Variants in GIMAP8 observed in about 807,000 individuals in gnomAD.
GIMAP8 encodes GTPase, IMAP family member 8.
A neutral mutation model predicts 35.6 loss-of-function variants in GIMAP8; 29 were observed. That is an observed-to-expected ratio of 0.81 (90% CI 0.61 to 1.11). GIMAP8 has a LOEUF of 1.11. Among genes scored for constraint, GIMAP8 ranks in the 50% most tolerant of loss-of-function variants. GIMAP8 has a pLI of 0.00. For missense variants in GIMAP8, 811 were observed against 805.0 expected, an observed-to-expected ratio of 1.01 and a Z score of -0.09; for synonymous variants, 335 against 308.7, an observed-to-expected ratio of 1.09 and a Z score of -0.89.
At chr7:150,453,589 G>A (rs1372086065) in intron 1 of GIMAP8, among the ~76,000 whole-genome samples, 4 of 152,216 alleles carry the variant, frequency 2.6e-5, no homozygotes, top group African/African-American at 4.8e-5. Flanking sequence ...TTTCTTCGGC[G>A]TATCTGCTGC....
At chr7:150,458,307 A>G (rs959432920) in intron 1 of GIMAP8, among the ~76,000 whole-genome samples, 1 of 152,168 alleles carries the variant, frequency 6.6e-6, no homozygotes, top group African/African-American at 2.4e-5. Flanking sequence ...AACCAGGAAG[A>G]GCCAATGTGG....
At chr7:150,465,445 T>A (rs1801933868) in intron 1 of GIMAP8, among the ~76,000 whole-genome samples, 1 of 152,092 alleles carries the variant, frequency 6.6e-6, no homozygotes, top group East Asian at 1.9e-4. Flanking sequence ...AGAGGGGAGT[T>A]TTTTTCCTCG....
chr7:150,468,240 C>T (rs375186515), intron 2 of GIMAP8, among the ~76,000 whole-genome samples: 1 of 152,172 alleles, frequency 6.6e-6, no homozygotes, highest in Non-Finnish European at 1.5e-5. Context: ...TGGGCTGTAT[C>T]CCACAACCCA....
chr7:150,462,932 G>T (rs1007422818), intron 1 of GIMAP8, among the ~76,000 whole-genome samples: 1 of 152,090 alleles, frequency 6.6e-6, no homozygotes, highest in Non-Finnish European at 1.5e-5. Flanking sequence ...TAGATTTTCT[G>T]TGACTTTTCC....
intron 1 of GIMAP8, among the ~76,000 whole-genome samples, chr7:150,458,394 C>A (rs376294792): frequency 1.3e-4 from 20 of 152,278 alleles, no homozygotes; most frequent in South Asian, 4.1e-4. Flanking sequence ...CTAATCAGGT[C>A]TTCAACTGAT....
At chr7:150,452,670 T>A (rs1435079485) in intron 1 of GIMAP8, among the ~76,000 whole-genome samples, 66 of 83,692 alleles carry the variant, frequency 7.9e-4, no homozygotes, top group African/African-American at 3.0e-3. Flanking sequence ...TGTGTGTGTG[T>A]GTGAGATATA....
chr7:150,457,643 T>C (rs1313618371), intron 1 of GIMAP8, among the ~76,000 whole-genome samples: 2 of 152,062 alleles, frequency 1.3e-5, no homozygotes, highest in Non-Finnish European at 2.9e-5. Context: ...TAAATATCCA[T>C]AGGGACAACT....
rs372078848 is a variant in GIMAP8, at chr7:150,466,722, G to A, written c.24G>A (p.Met8Ile). The A allele has an allele frequency of 1.5e-5, 25 of 1,614,060 alleles. No homozygotes were observed. In the Admixed American group the frequency reaches 4.2e-4, roughly 27 times the overall value. ...GCATGTCAGAGCAGAGCTGCCAGAT[G>A]TCCGAACTGCGGCTCCTCCTCCTGG... MSEQSCQ[M>I]SELRLLLLGK... The change falls in exon 2 of 5, where the codon ATG becomes ATA. Residue 8 changes from methionine (M) to isoleucine (I), a missense_variant. Physicochemically the swap from Met to Ile is conservative, Grantham distance 10. Transcript: ENST00000307271.
In GIMAP8 at chr7:150,467,296, T is replaced by G; in HGVS notation, c.598T>G (p.Tyr200Asp). The G allele has an allele frequency of 6.2e-7, 1 of 1,613,594 alleles. No individual in the cohort carries two copies. Among genetic ancestry groups the G allele is most frequent in the Non-Finnish European group, 8.5e-7 (1 of 1,179,516 alleles). ...TTTGGTGAATACGAACGGAGGACCC[T>G]ATCATGTGAACTTCAAAACTGAAGG... Reference protein sequence around the residue: ...ESLVNTNGGPYHVNFKTEGSR... With the variant: ...ESLVNTNGGPDHVNFKTEGSR... Residue 200 changes from tyrosine to aspartate, a missense_variant, in exon 2 of 5, where the codon TAT becomes GAT. Physicochemically the swap from Tyr to Asp is radical, Grantham distance 160 (BLOSUM62 -3). Coordinates refer to ENST00000307271, the MANE Select transcript of GIMAP8 (RefSeq NM_175571.4).
In GIMAP8 at chr7:150,477,832, G is replaced by A; in HGVS notation, c.*52G>A. The A allele has an allele frequency of 6.9e-7, 1 of 1,442,266 alleles. No individual in the cohort carries two copies. Among genetic ancestry groups the A allele is most frequent in the Non-Finnish European group, 9.5e-7 (1 of 1,049,544 alleles). The allele number at this position is 1,442,266 out of a possible 1,614,324, so 89.3% of individuals were successfully genotyped here. ...AATTAGAGACACCCTCAGGTTGGGGGGAGGGGCGGGGCATGGTACAACCTG... is the reference window on the plus strand; with the variant it reads ...AATTAGAGACACCCTCAGGTTGGGGAGAGGGGCGGGGCATGGTACAACCTG... On this transcript the variant is annotated 3_prime_UTR_variant, in exon 5 of 5. Transcript: ENST00000307271.
Position 150,478,621 on chromosome 7 carries a change from C to G in GIMAP8, c.*841C>G, listed in dbSNP as rs984396099. 1 of 152,146 alleles carries G rather than the reference C, an allele frequency of 6.6e-6. No homozygotes were observed. Among genetic ancestry groups the G allele is most frequent in the Non-Finnish European group, 1.5e-5 (1 of 68,018 alleles). 9.4% of individuals were successfully genotyped at this position (152,146 alleles called of 1,614,324 possible). A position where few individuals can be genotyped will look rare whatever the true frequency, so the allele number is the denominator to read the frequency against. The stretch of plus-strand genomic sequence containing the variant: ...CGTTTCTCTTTCTCCTTCTCTTTCC[C>G]TTGAGGTTAGGAAACAGGTTAAAAC... On this transcript the variant is annotated 3_prime_UTR_variant, in exon 5 of 5. Transcript: ENST00000307271.
Position 150,451,613 on chromosome 7 carries a change from C to T in GIMAP8, c.-29+438C>T, listed in dbSNP as rs1039990857. On this transcript the variant is annotated intron_variant, in intron 1 of 4. Transcript: ENST00000307271. The surrounding 1 kb of genome is among the most constrained non-coding windows in gnomAD (Gnocchi z 4.1). ...CTGGCAGAAGGGAGGAAGAAGCAGG[C>T]GGAAGCAGCCGGTCAGATGCCCCAT... is the stretch of plus-strand genomic sequence containing the variant. Among the ~76,000 whole-genome samples the T allele has an allele frequency of 2.6e-5, 4 of 152,110 alleles. No homozygotes were observed. Among genetic ancestry groups the T allele is most frequent in the African/African-American group, 9.7e-5 (4 of 41,408 alleles).
intron 1 of GIMAP8, among the ~76,000 whole-genome samples, chr7:150,458,108 G>T (rs920177046): frequency 6.6e-6 from 1 of 152,170 alleles, no homozygotes; most frequent in Non-Finnish European, 1.5e-5. Flanking sequence ...GTTAGCCAGG[G>T]TTCTCTAGAG....
intron 1 of GIMAP8, among the ~76,000 whole-genome samples, chr7:150,453,310 C>T (rs983299158): frequency 2.6e-5 from 4 of 152,170 alleles, no homozygotes; most frequent in Admixed American, 6.5e-5. Context: ...CCTGGTGGAC[C>T]GGTTCTGAGG....
rs147806007 is a variant in GIMAP8 at position 150,466,745 on chromosome 7, T to C, written c.47T>C (p.Leu16Pro). 2.2e-5 allele frequency: 36 copies of C among 1,614,104 alleles called. No homozygotes were observed. Among genetic ancestry groups the C allele is most frequent in the Middle Eastern group, 1.6e-4 (1 of 6,076 alleles). ...CQMSELRLLL[L>P]GKCRSGKSAT... ...ATGTCCGAACTGCGGCTCCTCCTCC[T>C]GGGAAAATGCCGCTCGGGAAAAAGT... The change falls in exon 2 of 5, where the codon CTG (leucine) becomes CCG (proline). Residue 16 changes from leucine (L) to proline (P), a missense_variant. Transcript: ENST00000307271.
At chr7:150,470,746 C>CTTTTTTTTTT (rs765100972) in intron 2 of GIMAP8, 83 bp from the exon 3 acceptor site, 10 of 468,000 alleles carry the variant, frequency 2.1e-5, no homozygotes, top group African/African-American at 1.1e-4. Context: ...CTTCAATTTC[C>CTTTTTTTTTT]TTTTTTTTTT....
chr7:150,453,583 T>C (rs1801666254), intron 1 of GIMAP8, among the ~76,000 whole-genome samples: 1 of 152,264 alleles, frequency 6.6e-6, no homozygotes, highest in South Asian at 2.1e-4. Flanking sequence ...CTTCACTTTC[T>C]TCGGCGTATC....
rs1002130379 is a variant in GIMAP8 at position 150,472,410 on chromosome 7, T to C, written c.682+1536T>C. Among the ~76,000 whole-genome samples, 83 of 152,290 alleles carry C rather than the reference T, an allele frequency of 5.5e-4. No homozygotes were observed. Among genetic ancestry groups the C allele is most frequent in the African/African-American group, 1.9e-3 (81 of 41,570 alleles). On this transcript the variant is annotated intron_variant, in intron 3 of 4. Coordinates refer to ENST00000307271, the MANE Select transcript of GIMAP8 (RefSeq NM_175571.4). This position sits in a 1 kb window ranked among gnomAD's most constrained non-coding sequence, Gnocchi z 4.1. ...GCCAGTGCAGGGGATGTTCGGGCAA[T>C]GCTGTTGTTTTTGTGTGCTCAGATA... is the stretch of plus-strand genomic sequence containing the variant.
Position 150,477,982 on chromosome 7 carries a change from G to T in GIMAP8, c.*202G>T. 1 of 563,026 alleles carries T rather than the reference G, an allele frequency of 1.8e-6. No individual in the cohort carries two copies. Among genetic ancestry groups the T allele is most frequent in the Non-Finnish European group, 3.1e-6 (1 of 318,714 alleles). 34.9% of individuals were successfully genotyped at this position (563,026 alleles called of 1,614,324 possible). Reference sequence around the variant, plus strand: ...GGGCGAATAGTAGGGTATTATAAAGGAGAAAGAAGATACAAGGTGGGGAAA... The same window carrying T: ...GGGCGAATAGTAGGGTATTATAAAGTAGAAAGAAGATACAAGGTGGGGAAA... On this transcript the variant is annotated 3_prime_UTR_variant, in exon 5 of 5. Transcript: ENST00000307271.
Sources: allele counts gnomAD v4.1 joint callset (sites outside exome capture counted in the v4.1 genomes callset), GRCh38; gene constraint gnomAD v4.1.1; non-coding constraint Gnocchi (gnomAD v3.1); transcripts MANE v1.5; gene names NCBI Gene and HGNC (gene_info 2026-07-23, HGNC 2026-07-21).